SPATA16: variants seen among roughly 807,000 people sequenced by gnomAD.
SPATA16 encodes the protein spermatogenesis-associated protein 16.
SPATA16 carries 36 observed loss-of-function variants against 63.3 expected under a neutral mutation model. The ratio of observed to expected loss-of-function variants is 0.57; its 90% CI spans 0.44 to 0.75. SPATA16 has a LOEUF of 0.75. Among genes scored for constraint, SPATA16 ranks in the 30% least tolerant of loss-of-function variants. SPATA16 has a pLI of 0.00. For missense variants in SPATA16, 646 were observed against 679.3 expected (o/e 0.95, Z 0.54); for synonymous variants, 203 against 216.7 (o/e 0.94, Z 0.56).
In SPATA16 at chr3:172,977,047, G is replaced by A; in HGVS notation, c.854C>T (p.Ala285Val). ...LERYSEAARS[A>V]MIADYMFWLG... ...CCAGAACATGTAGTCAGCAATCATG[G>A]CACTCCTAAGAACAAGGACAGATTA... Residue 285 changes from alanine (A) to valine (V), a missense_variant, in exon 5 of 11, where the codon GCC (alanine) becomes GTC (valine). Ala to Val is a moderately conservative substitution (Grantham distance 64). Coordinates refer to ENST00000351008, the MANE Select transcript of SPATA16 (RefSeq NM_031955.6). The A allele has an allele frequency of 5.0e-6, 8 of 1,609,092 alleles. No homozygotes were observed. Among genetic ancestry groups the A allele is most frequent in the African/African-American group, 1.3e-5 (1 of 74,752 alleles).
intron 6 of SPATA16, among the ~76,000 whole-genome samples, chr3:172,951,351 G>C (rs1733425901): frequency 6.6e-6 from 1 of 152,144 alleles, no homozygotes; most frequent in East Asian, 1.9e-4. Flanking sequence ...CTACAAGGCA[G>C]ATTTGAATTT....
In SPATA16 at chr3:172,952,472, C is replaced by T. The variant is rs552578719; in HGVS notation, c.1081+4205G>A. ...TGCAGCCTCTTTCCATGCTTCTCCCCACTCAGCCAGTGGATGGGGAAAGAG... is the reference window on the plus strand; with the variant it reads ...TGCAGCCTCTTTCCATGCTTCTCCCTACTCAGCCAGTGGATGGGGAAAGAG... On this transcript the variant is annotated intron_variant, in intron 6 of 10. Coordinates refer to ENST00000351008, the MANE Select transcript of SPATA16 (RefSeq NM_031955.6). 2.6e-5 allele frequency among the ~76,000 whole-genome samples: 4 copies of T among 152,228 alleles called. No homozygotes were observed. The East Asian group carries it at 7.7e-4, about 29-fold the overall frequency.
At chr3:172,918,730 G>C (rs1732553763) in intron 8 of SPATA16, among the ~76,000 whole-genome samples, 1 of 152,114 alleles carries the variant, frequency 6.6e-6, no homozygotes, top group South Asian at 2.1e-4. Context: ...TGAGACTTCA[G>C]GAATGATCAA....
intron 4 of SPATA16, among the ~76,000 whole-genome samples, chr3:172,991,529 C>T (rs1469418588): frequency 2.6e-5 from 4 of 152,134 alleles, no homozygotes; most frequent in Non-Finnish European, 5.9e-5. Context: ...TATTTATCTG[C>T]AGCCAGCTGA....
intron 5 of SPATA16, among the ~76,000 whole-genome samples, chr3:172,969,022 T>C (rs1301689286): frequency 6.6e-6 from 1 of 152,170 alleles, no homozygotes; most frequent in Non-Finnish European, 1.5e-5. Flanking sequence ...AATTGAAAAA[T>C]ATGAGAATTC....
chr3:173,008,338 C>G (rs1355652461), intron 4 of SPATA16, among the ~76,000 whole-genome samples: 1 of 152,078 alleles, frequency 6.6e-6, no homozygotes, highest in African/African-American at 2.4e-5. Context: ...TGCAGGGAGC[C>G]AGGACTCCAG....
At chr3:172,901,458 C>G (rs1732125457) in intron 10 of SPATA16, among the ~76,000 whole-genome samples, 1 of 152,178 alleles carries the variant, frequency 6.6e-6, no homozygotes, top group Non-Finnish European at 1.5e-5. Context: ...CCTTGGCCTC[C>G]CAAATTGTTG....
intron 2 of SPATA16, among the ~76,000 whole-genome samples, chr3:173,056,808 A>G (rs905166748): frequency 6.6e-6 from 1 of 150,574 alleles, no homozygotes; most frequent in Non-Finnish European, 1.5e-5. Context: ...ACATTATGGT[A>G]TTTCCCATGC....
intron 5 of SPATA16, among the ~76,000 whole-genome samples, chr3:172,958,997 C>A (rs941719951): frequency 6.6e-6 from 1 of 152,150 alleles, no homozygotes; most frequent in South Asian, 2.1e-4. Flanking sequence ...AGGTACAGTT[C>A]AGCCCATAAC....
intron 2 of SPATA16, among the ~76,000 whole-genome samples, chr3:173,111,217 AG>A (rs548895150): frequency 2.6e-5 from 4 of 152,116 alleles, no homozygotes; most frequent in Non-Finnish European, 4.4e-5. Context: ...TATGAGTAAA[AG>A]TGCCTAGAAC....
intron 2 of SPATA16, among the ~76,000 whole-genome samples, chr3:173,059,453 T>G (rs984132905): frequency 5.9e-5 from 9 of 151,842 alleles, no homozygotes; most frequent in African/African-American, 1.9e-4. Context: ...ATCTTACTTT[T>G]TCTTACTCAT....
intron 10 of SPATA16, among the ~76,000 whole-genome samples, chr3:172,905,718 C>A (rs781028458): frequency 2.8e-5 from 4 of 142,152 alleles, no homozygotes; most frequent in Non-Finnish European, 6.2e-5. Context: ...TAAAAAGGAA[C>A]ACAAGAAGCA....
intron 3 of SPATA16, among the ~76,000 whole-genome samples, chr3:173,022,837 G>A (rs1273580737): frequency 6.6e-6 from 1 of 151,860 alleles, no homozygotes; most frequent in African/African-American, 2.4e-5. Context: ...ATTTAGCTAT[G>A]CTGATAGGGC....
At chr3:172,892,226 G>C (rs141245492) in intron 10 of SPATA16, among the ~76,000 whole-genome samples, 133 of 152,286 alleles carry the variant, frequency 8.7e-4, no homozygotes, top group Non-Finnish European at 1.6e-3. Context: ...GAAACAGCCA[G>C]GAGTAGAAAG....
At chr3:173,107,789 G>A (rs567834288) in intron 2 of SPATA16, among the ~76,000 whole-genome samples, 5 of 152,188 alleles carry the variant, frequency 3.3e-5, no homozygotes, top group African/African-American at 1.2e-4. Context: ...GGAAAGAGAC[G>A]GAATTGCTGT....
At chr3:172,996,254 C>T (rs1021475493) in intron 4 of SPATA16, among the ~76,000 whole-genome samples, 1 of 152,024 alleles carries the variant, frequency 6.6e-6, no homozygotes, top group African/African-American at 2.4e-5. Flanking sequence ...ACTTTGATTA[C>T]TTAATCACTT....
chr3:172,961,685 T>C (rs1164543188), intron 5 of SPATA16, among the ~76,000 whole-genome samples: 5 of 152,136 alleles, frequency 3.3e-5, no homozygotes, highest in Non-Finnish European at 7.4e-5. Context: ...TGAGCCACCA[T>C]GGCCGGCCTT....
At chr3:173,107,349 T>C (rs1737643565) in intron 2 of SPATA16, among the ~76,000 whole-genome samples, 1 of 152,136 alleles carries the variant, frequency 6.6e-6, no homozygotes, top group African/African-American at 2.4e-5. Context: ...TAATATATTT[T>C]AGTAGTGGCA....
intron 6 of SPATA16, among the ~76,000 whole-genome samples, chr3:172,941,305 A>G (rs1733142405): frequency 6.6e-6 from 1 of 152,190 alleles, no homozygotes; most frequent in Non-Finnish European, 1.5e-5. Context: ...AAGGAAACGG[A>G]TTGCAGTTTT....
Sources: gnomAD v4.1 joint callset for allele counts (sites outside exome capture counted in the v4.1 genomes callset) on GRCh38, gnomAD v4.1.1 for gene constraint, MANE v1.5 for transcripts, NCBI Gene and HGNC (gene_info 2026-07-23, HGNC 2026-07-21) for gene names.